Variants in CMYA5 observed in about 807,000 individuals in gnomAD.
CMYA5 encodes cardiomyopathy associated 5.
A neutral mutation model predicts 318.9 loss-of-function variants in CMYA5; 246 were observed. The observed-to-expected ratio is 0.77, with a 90% CI of 0.70 to 0.86. The LOEUF (loss-of-function observed/expected upper bound fraction) is 0.86, where lower values mean the gene tolerates loss of function less well. Ranked by LOEUF, CMYA5 falls within the 40% of genes least tolerant of loss-of-function variation. The pLI is 0.00. For missense variants in CMYA5, 4,589 were observed against 4,678.2 expected, an observed-to-expected ratio of 0.98 and a Z score of 0.56; for synonymous variants, 1,641 against 1,729.5, an observed-to-expected ratio of 0.95 and a Z score of 1.27.
chr5:79,776,089 A>C (rs1349497381), intron 9 of CMYA5, among the ~76,000 whole-genome samples: 1 of 152,158 alleles, frequency 6.6e-6, no homozygotes, highest in Non-Finnish European at 1.5e-5. Flanking sequence ...ACTTTTCTAC[A>C]GTGTTGTGAA....
chr5:79,770,363 C>T (rs1480085129), intron 9 of CMYA5, among the ~76,000 whole-genome samples: 1 of 151,948 alleles, frequency 6.6e-6, no homozygotes, highest in Non-Finnish European at 1.5e-5. Context: ...AAAAAAAACT[C>T]CAGCAGCTGG....
At chr5:79,709,777 G>C (rs1367436860) in intron 1 of CMYA5, among the ~76,000 whole-genome samples, 1 of 151,428 alleles carries the variant, frequency 6.6e-6, no homozygotes, top group Admixed American at 6.6e-5. Context: ...GGTCAGCATG[G>C]TGAAACCCCG....
rs1174801927 is a variant in CMYA5 at position 79,718,112 on chromosome 5, C to T, written c.150-10803C>T. Among the ~76,000 whole-genome samples, 3 of 49,460 alleles carry T rather than the reference C, an allele frequency of 6.1e-5. 1 individual carries two copies. The highest frequency in any genetic ancestry group is 1.1e-4 in the Non-Finnish European group (3 of 27,698). 32.4% of individuals were successfully genotyped at this position (49,460 alleles called of 152,430 possible). On this transcript the variant is annotated intron_variant, in intron 1 of 12. Transcript: ENST00000446378. ...CCGTTTTAGCCGGGATGGTCTCGATCTCCTGACCTCGTGATCCGCCCGCCT... is the reference window on the plus strand; with the variant it reads ...CCGTTTTAGCCGGGATGGTCTCGATTTCCTGACCTCGTGATCCGCCCGCCT...
At position 79,794,584 on chromosome 5, in the gene CMYA5, G is replaced by A. The variant is rs541143061; in HGVS notation, c.11963+974G>A. Among the ~76,000 whole-genome samples, 4 of 152,310 alleles carry A rather than the reference G, an allele frequency of 2.6e-5. No homozygotes were observed. In the South Asian group the frequency reaches 8.3e-4, roughly 32 times the overall value. Reference sequence around the variant, plus strand: ...TACCTTAAATCATCTAGCTCAGCAGGGGACAGTAATGCCTGGCTTGCTACC... The same window carrying A: ...TACCTTAAATCATCTAGCTCAGCAGAGGACAGTAATGCCTGGCTTGCTACC... On this transcript the variant is annotated intron_variant, in intron 12 of 12. Coordinates refer to ENST00000446378, the MANE Select transcript of CMYA5 (RefSeq NM_153610.5).
At chr5:79,795,420 C>T (rs539540935) in intron 12 of CMYA5, among the ~76,000 whole-genome samples, 219 of 152,212 alleles carry the variant, frequency 1.4e-3, no homozygotes, top group Non-Finnish European at 2.4e-3. Flanking sequence ...GGGAAGGAGG[C>T]GTGAAGATCA....
intron 9 of CMYA5, among the ~76,000 whole-genome samples, chr5:79,775,194 C>T (rs1280343127): frequency 6.6e-6 from 1 of 152,190 alleles, no homozygotes; most frequent in African/African-American, 2.4e-5. Flanking sequence ...CCCATCGCAT[C>T]CCCCAGTGTC....
rs180762789 is a variant in CMYA5, at chr5:79,723,652, C to T, written c.150-5263C>T. Among the ~76,000 whole-genome samples the T allele has an allele frequency of 5.3e-3, 805 of 151,218 alleles. 4 individuals are homozygous for T. The highest frequency in any genetic ancestry group is 0.019 in the African/African-American group (773 of 41,154). On this transcript the variant is annotated intron_variant, in intron 1 of 12. Transcript: ENST00000446378. ...TGGGGCACACCTATACTTGCAGGTA[C>T]GTGGGATGCTGAGGAGAGAGGATTG...
At chr5:79,697,570 T>C (rs746984327) in intron 1 of CMYA5, among the ~76,000 whole-genome samples, 7 of 152,252 alleles carry the variant, frequency 4.6e-5, no homozygotes, top group Non-Finnish European at 1.0e-4. Context: ...ATTTTTACAA[T>C]AGCTCTCTGA....
Position 79,734,033 on chromosome 5 carries a change from C to A in CMYA5, c.5268C>A (p.Ser1756Arg). ...FSLKGLSEEV[S>R]HPADFKKGGN... is the part of the protein sequence containing the mutation. ...TAAAAGGATTATCAGAGGAGGTTAG[C>A]CATCCAGCCGACTTTAAAAAGGGAG... The change falls in exon 2 of 13, where the codon AGC becomes AGA. Residue 1756 changes from serine (S) to arginine (R), a missense_variant. By Grantham distance (110) the Ser-to-Arg change is moderately radical. Around this residue, in one of 3 missense-constraint regions of CMYA5, gnomAD observed 2,132 missense variants for 2,131.3 expected, o/e 1.00. Coordinates refer to ENST00000446378, the MANE Select transcript of CMYA5 (RefSeq NM_153610.5). The A allele has an allele frequency of 6.2e-7, 1 of 1,613,756 alleles. No homozygotes were observed. The highest frequency in any genetic ancestry group is 8.5e-7 in the Non-Finnish European group (1 of 1,179,830).
chr5:79,744,981 G>T (rs891050829), intron 3 of CMYA5, among the ~76,000 whole-genome samples: 1 of 152,168 alleles, frequency 6.6e-6, no homozygotes, highest in Non-Finnish European at 1.5e-5. Context: ...TATATATTTT[G>T]TATTATGGTA....
At chr5:79,795,052 A>G (rs1489505174) in intron 12 of CMYA5, among the ~76,000 whole-genome samples, 2 of 152,166 alleles carry the variant, frequency 1.3e-5, no homozygotes, top group African/African-American at 4.8e-5. Context: ...AAAAGCCCAC[A>G]CCAAGGGCTA....
chr5:79,754,524 G>T (rs1828491790), intron 6 of CMYA5, among the ~76,000 whole-genome samples: 1 of 152,172 alleles, frequency 6.6e-6, no homozygotes, highest in Admixed American at 6.5e-5. Flanking sequence ...GGTGTGTTTG[G>T]CAGGGGAGTT....
intron 2 of CMYA5, among the ~76,000 whole-genome samples, 168 bp downstream of exon 2, chr5:79,739,571 T>C (rs1170396580): frequency 6.6e-6 from 1 of 152,182 alleles, no homozygotes; most frequent in African/African-American, 2.4e-5. Context: ...TAAGGTAGGC[T>C]TGACAGACAT....
At position 79,737,139 on chromosome 5, in the gene CMYA5, G is replaced by A. The variant is rs201737525; in HGVS notation, c.8374G>A (p.Glu2792Lys). Residue 2792 changes from glutamate (E) to lysine (K), a missense_variant, in exon 2 of 13, where the codon GAA (glutamate) becomes AAA (lysine). By Grantham distance (56) the Glu-to-Lys change is moderately conservative (BLOSUM62 1). Transcript: ENST00000446378. ...AGAAGGATTTCCATCTAAAGAATCC[G>A]AAAGGACTTTAGCTCGTCCTTTTGA... is the stretch of plus-strand genomic sequence containing the variant. The part of the protein sequence containing the change: ...MKEGFPSKES[E>K]RTLARPFDET... 1.3e-4 allele frequency: 216 copies of A among 1,613,080 alleles called. No individual in the cohort carries two copies. The highest frequency in any genetic ancestry group is 3.7e-4 in the African/African-American group (28 of 74,956).
At chr5:79,763,464 TC>T in intron 9 of CMYA5, 1 of 429,346 alleles carries the variant, frequency 2.3e-6, no homozygotes. Context: ...GATAGAACAT[TC>T]TTTGAGGTAT....
intron 11 of CMYA5, among the ~76,000 whole-genome samples, chr5:79,791,766 C>G (rs2151100954): frequency 6.6e-6 from 1 of 150,984 alleles, no homozygotes; most frequent in Admixed American, 6.6e-5. Context: ...TATTGAGTTC[C>G]TAGTTTCTGG....
intron 9 of CMYA5, 116 bp downstream of exon 9, chr5:79,763,325 G>A (rs1375252893): frequency 7.5e-6 from 7 of 938,932 alleles, no homozygotes; most frequent in Non-Finnish European, 9.3e-6. Context: ...AAATCCTGCT[G>A]AGCTAATGAA....
intron 9 of CMYA5, among the ~76,000 whole-genome samples, chr5:79,766,422 T>A (rs1382949219): frequency 6.6e-6 from 1 of 152,200 alleles, no homozygotes; most frequent in Non-Finnish European, 1.5e-5. Flanking sequence ...GCTCATTCAG[T>A]GCGATATTGG....
In CMYA5 at chr5:79,731,065, CA is replaced by C. The variant is rs776742738; in HGVS notation, c.2301del (p.Pro768HisfsTer19). On this transcript the variant is annotated frameshift_variant, in exon 2 of 13. Coordinates refer to ENST00000446378, the MANE Select transcript of CMYA5 (RefSeq NM_153610.5). LOFTEE classifies it high-confidence loss of function. Reference protein sequence around the residue: ...STTEKTSECQSPLPSTATSEH... With the variant: ...STTEKTSECQXPLPSTATSEH... ...ACCGAAAAGACTTCTGAATGCCAGT[CA>C]CCACTGCCTTCTACTGCCACATCAG... is the stretch of plus-strand genomic sequence containing the variant. 2 of 1,614,016 alleles carry C rather than the reference CA, an allele frequency of 1.2e-6. No homozygotes were observed. The highest frequency in any genetic ancestry group is 1.1e-5 in the South Asian group (1 of 91,068).
Sources: allele counts gnomAD v4.1 joint callset (sites outside exome capture counted in the v4.1 genomes callset), GRCh38; gene constraint gnomAD v4.1.1; regional missense constraint gnomAD v4.1.1; transcripts MANE v1.5; gene names NCBI Gene and HGNC (gene_info 2026-07-23, HGNC 2026-07-21).